The following PARP11 variants were observed in gnomAD, a reference collection of about 807,000 sequenced individuals.
PARP11 encodes the protein poly(ADP-ribose) polymerase family member 11, also known as protein mono-ADP-ribosyltransferase PARP11.
PARP11 carries 31 observed loss-of-function variants against 42.9 expected under a neutral mutation model. The observed-to-expected ratio is 0.72, with a 90% CI of 0.54 to 0.98. PARP11 has a LOEUF of 0.98. PARP11 is among the 50% of genes least tolerant of loss of function. The pLI is 0.00. For missense variants in PARP11, 365 were observed against 413.1 expected, an observed-to-expected ratio of 0.88 and a Z score of 1.01; for synonymous variants, 137 against 127.3, an observed-to-expected ratio of 1.08 and a Z score of -0.51.
rs185442337 is a variant in PARP11, at chr12:3,825,574, C to T, written c.344+584G>A. 3.6e-3 allele frequency among the ~76,000 whole-genome samples: 549 copies of T among 151,714 alleles called. 3 individuals carry two copies. The highest frequency in any genetic ancestry group is 0.012 in the African/African-American group (509 of 41,332). ...TTATTTTATGAGTTTAGAGCAGAGA[C>T]CATAAGGCATTTTGTAACTGCAAAC... On this transcript the variant is annotated intron_variant, in intron 4 of 7. Transcript: ENST00000228820.
chr12:3,828,545 A>G lies in PARP11; in HGVS notation c.268+365T>C, dbSNP rs954243139. On this transcript the variant is annotated intron_variant, in intron 3 of 7. Transcript: ENST00000228820. ...CCTGGGCAACACAGTGAGACGTCTC[A>G]AAAAAAAAAAAAAAAAAAGTAAAAA... Among the ~76,000 whole-genome samples, 29 of 82,776 alleles carry G rather than the reference A, an allele frequency of 3.5e-4. 1 individual carries two copies. Among genetic ancestry groups the G allele is most frequent in the African/African-American group, 1.2e-3 (22 of 17,778 alleles). The allele number at this position is 82,776 out of a possible 152,430, so 54.3% of individuals were successfully genotyped here.
At chr12:3,839,826 G>T in intron 1 of PARP11, 6 of 1,150,262 alleles carry the variant, frequency 5.2e-6, no homozygotes, top group Non-Finnish European at 6.6e-6. Context: ...TGTATGAGAA[G>T]GTATTTAAAA....
At chr12:3,828,412 G>T (rs999997609) in intron 3 of PARP11, among the ~76,000 whole-genome samples, 2 of 151,966 alleles carry the variant, frequency 1.3e-5, no homozygotes, top group Admixed American at 6.6e-5. Context: ...AGCCGGGTGT[G>T]GGGGCGGGTG....
chr12:3,833,801 G>C (rs977355774), intron 1 of PARP11, among the ~76,000 whole-genome samples: 2 of 152,144 alleles, frequency 1.3e-5, no homozygotes, highest in Admixed American at 1.3e-4. Context: ...TACCAGGTCT[G>C]TATTATGAAG....
intron 1 of PARP11, among the ~76,000 whole-genome samples, chr12:3,836,139 A>C (rs1043936451): frequency 3.9e-5 from 6 of 152,066 alleles, no homozygotes; most frequent in Non-Finnish European, 8.8e-5. Flanking sequence ...AAACACAGAG[A>C]TCCAAATGCA....
intron 1 of PARP11, among the ~76,000 whole-genome samples, chr12:3,846,807 G>T (rs1421852393): frequency 6.6e-6 from 1 of 151,240 alleles, no homozygotes; most frequent in Non-Finnish European, 1.5e-5. Context: ...TGAATAGGAT[G>T]GGTGCAGTGG....
rs532469718 is a variant in PARP11, at chr12:3,861,300, C to A, written c.18+11912G>T. ...CTCCTAATGTGATATGAAAATGGGG[C>A]CTTTGGGAGGTGATTAGATCATGAA... On this transcript the variant is annotated intron_variant, in intron 1 of 7. Transcript: ENST00000228820. The surrounding 1 kb of genome is among the most constrained non-coding windows in gnomAD (Gnocchi z 4.6). Among the ~76,000 whole-genome samples the A allele has an allele frequency of 6.6e-6, 1 of 152,088 alleles. No individual in the cohort carries two copies. Among genetic ancestry groups the A allele is most frequent in the Admixed American group, 6.5e-5 (1 of 15,270 alleles).
rs534283631 is a variant in PARP11 at position 3,859,285 on chromosome 12, G to C, written c.18+13927C>G. ...ACAAAAAGTAAAATGGCAGATGTAGGCCGGTGCAGTGGCTCACGTCTGTAA... is the reference window on the plus strand; with the variant it reads ...ACAAAAAGTAAAATGGCAGATGTAGCCCGGTGCAGTGGCTCACGTCTGTAA... On this transcript the variant is annotated intron_variant, in intron 1 of 7. Coordinates refer to ENST00000228820, the MANE Select transcript of PARP11 (RefSeq NM_020367.6). 2.0e-4 allele frequency among the ~76,000 whole-genome samples: 30 copies of C among 151,620 alleles called. No homozygotes were observed. In the East Asian group the frequency reaches 5.5e-3, roughly 28 times the overall value.
chr12:3,851,479 T>A (rs1405275758), intron 1 of PARP11, among the ~76,000 whole-genome samples: 3 of 152,122 alleles, frequency 2.0e-5, no homozygotes, highest in Non-Finnish European at 4.4e-5. Flanking sequence ...GCTCAGCGGG[T>A]CCCATGCCCA....
intron 1 of PARP11, chr12:3,872,769 C>T (rs1948513055): frequency 1.0e-6 from 1 of 985,226 alleles, no homozygotes; most frequent in African/African-American, 1.7e-5. Flanking sequence ...AGGCCAGTTA[C>T]TCCAATTAGA....
At chr12:3,818,217 T>C (rs982461892) in intron 6 of PARP11, among the ~76,000 whole-genome samples, 2 of 152,010 alleles carry the variant, frequency 1.3e-5, no homozygotes, top group Non-Finnish European at 2.9e-5. Context: ...AAATCTCCTC[T>C]TTCCCCTTTT....
At chr12:3,829,681 A>C (rs551550872) in intron 2 of PARP11, among the ~76,000 whole-genome samples, 39 of 152,198 alleles carry the variant, frequency 2.6e-4, no homozygotes, top group Non-Finnish European at 4.9e-4. Flanking sequence ...TTCACCCTCT[A>C]TTGTTTCTTC....
chr12:3,853,197 C>T (rs1203947170), intron 1 of PARP11, among the ~76,000 whole-genome samples: 1 of 152,160 alleles, frequency 6.6e-6, no homozygotes, highest in Non-Finnish European at 1.5e-5. Context: ...ACTGTAAAGA[C>T]CATCGATGCT....
intron 1 of PARP11, among the ~76,000 whole-genome samples, chr12:3,864,680 T>C (rs561793838): frequency 2.0e-5 from 3 of 152,328 alleles, no homozygotes; most frequent in Admixed American, 6.5e-5. Flanking sequence ...TAAGTTGTCA[T>C]ACTGCTTGAT....
In PARP11 at chr12:3,872,639, G is replaced by C. The variant is rs577086258; in HGVS notation, c.18+573C>G. ...TTTAAACGACTGTCCACCAAGAAGG[G>C]AAAAGGAGAACTGATGGCTCCTCTT... is the stretch of plus-strand genomic sequence containing the variant. On this transcript the variant is annotated intron_variant, in intron 1 of 7. Transcript: ENST00000228820. The C allele has an allele frequency of 2.1e-4, 205 of 985,282 alleles. 4 individuals are homozygous for C. In the South Asian group the frequency reaches 8.7e-3, roughly 42 times the overall value. The allele number at this position is 985,282 out of a possible 1,614,324, so 61.0% of individuals were successfully genotyped here. A position where few individuals can be genotyped will look rare whatever the true frequency, so the allele number is the denominator to read the frequency against.
At chr12:3,867,622 C>T (rs1267530888) in intron 1 of PARP11, among the ~76,000 whole-genome samples, 1 of 152,208 alleles carries the variant, frequency 6.6e-6, no homozygotes, top group Non-Finnish European at 1.5e-5. Flanking sequence ...AGCTATGTTG[C>T]AAATGGCTCA....
chr12:3,834,354 C>T (rs910432136), intron 1 of PARP11, among the ~76,000 whole-genome samples: 8 of 152,064 alleles, frequency 5.3e-5, no homozygotes, highest in Non-Finnish European at 1.0e-4. Flanking sequence ...AACAGTGGGC[C>T]GGGTGTGGTG....
chr12:3,812,349 C>G lies in PARP11; in HGVS notation c.791G>C (p.Ser264Thr). ...HGNTFQIHGV[S>T]LQQRHLFRTY... ...TCTAAACAGATGCCGCTGTTGCAAG[C>G]TGACACCATGAATTTGGAATGTGTT... is the stretch of plus-strand genomic sequence containing the variant. The change falls in exon 8 of 8, where the codon AGC (serine) becomes ACC (threonine). Residue 264 changes from serine (S) to threonine (T), a missense_variant. Ser to Thr is a moderately conservative substitution (Grantham distance 58, BLOSUM62 1). Coordinates refer to ENST00000228820, the MANE Select transcript of PARP11 (RefSeq NM_020367.6). 6.2e-7 allele frequency: 1 copy of G among 1,614,164 alleles called. No individual in the cohort carries two copies. The highest frequency in any genetic ancestry group is 8.5e-7 in the Non-Finnish European group (1 of 1,179,976).
intron 3 of PARP11, among the ~76,000 whole-genome samples, chr12:3,827,680 A>G (rs1947555670): frequency 6.6e-6 from 1 of 152,148 alleles, no homozygotes; most frequent in Non-Finnish European, 1.5e-5. Context: ...AAAAAGCAAG[A>G]AAAACAACTT....
Sources: gnomAD v4.1 joint callset for allele counts (sites outside exome capture counted in the v4.1 genomes callset) on GRCh38, gnomAD v4.1.1 for gene constraint, Gnocchi (gnomAD v3.1) non-coding constraint, MANE v1.5 for transcripts, NCBI Gene and HGNC (gene_info 2026-07-23, HGNC 2026-07-21) for gene names.